Variants in EVC2 observed in about 807,000 individuals in gnomAD.
EVC2 encodes limbin.
A neutral mutation model predicts 149.3 loss-of-function variants in EVC2; 148 were observed. The ratio of observed to expected loss-of-function variants is 0.99; its 90% confidence interval spans 0.87 to 1.14. The LOEUF is 1.14. Among genes scored for constraint, EVC2 ranks in the 50% most tolerant of loss-of-function variants. The pLI, the probability that EVC2 is intolerant of heterozygous loss-of-function variation, is 0.00. For synonymous variants in EVC2, 776 were observed against 649.9 expected (o/e 1.19, Z -2.95); for missense variants, 1,854 against 1,627.3 (o/e 1.14, Z -2.40).
chr4:5,583,771 C>CT (rs1468107081), intron 17 of EVC2, among the ~76,000 whole-genome samples: 1 of 149,390 alleles, frequency 6.7e-6, no homozygotes, highest in African/African-American at 2.5e-5. Context: ...TTTTATTAGA[C>CT]TTTTTTCAAA....
chr4:5,695,225 G>A (rs1721395394), intron 2 of EVC2, among the ~76,000 whole-genome samples: 1 of 152,026 alleles, frequency 6.6e-6, no homozygotes, highest in Admixed American at 6.6e-5. Context: ...GTGTGCGCCT[G>A]TAGTCCCAGC....
chr4:5,676,511 C>T (rs1720005003), intron 7 of EVC2, among the ~76,000 whole-genome samples: 1 of 152,170 alleles, frequency 6.6e-6, no homozygotes, highest in African/African-American at 2.4e-5. Flanking sequence ...TCTGCAGGTC[C>T]CCGCCGCCAT....
chr4:5,691,516 AAAG>A (rs1404901369), intron 3 of EVC2, among the ~76,000 whole-genome samples, 183 bp from the exon 4 acceptor site: 1 of 152,234 alleles, frequency 6.6e-6, no homozygotes, highest in African/African-American at 2.4e-5. Flanking sequence ...AAACTTATGG[AAAG>A]AAGAATGTGG....
rs1712139422 is a variant in EVC2 at position 5,584,866 on chromosome 4, G to A, written c.2830-16C>T. 4.3e-6 allele frequency: 7 copies of A among 1,613,770 alleles called. No individual in the cohort carries two copies. The South Asian group carries it at 7.7e-5, about 18-fold the overall frequency. ...CACCTCGAACCTGGGAGGGGACAGG[G>A]ATGGACCCAAACCCAGAGAGCAGTG... is the stretch of plus-strand genomic sequence containing the variant. On this transcript the variant is annotated splice_polypyrimidine_tract_variant and intron_variant, in intron 16 of 21. Coordinates refer to ENST00000344408, the MANE Select transcript of EVC2 (RefSeq NM_147127.5).
chr4:5,574,829 GATC>G, intron 18 of EVC2, 57 bp from the exon 19 acceptor site: 1 of 1,500,430 alleles, frequency 6.7e-7, no homozygotes, highest in Non-Finnish European at 9.3e-7. Context: ...GATACTATGA[GATC>G]ATCTAGTTAT....
downstream of EVC2, among the ~76,000 whole-genome samples, chr4:5,542,586 G>T (rs1185013095): frequency 6.6e-6 from 1 of 152,200 alleles, no homozygotes; most frequent in Admixed American, 6.5e-5. Context: ...GGAGTAGACT[G>T]CCCAGGTTCT....
intron 21 of EVC2, among the ~76,000 whole-genome samples, chr4:5,547,652 C>G (rs1721647784): frequency 6.6e-6 from 1 of 152,222 alleles, no homozygotes; most frequent in African/African-American, 2.4e-5. Context: ...TGGGCCTCCT[C>G]TGAGCTACTG....
chr4:5,608,841 T>G (rs140937634), intron 16 of EVC2, among the ~76,000 whole-genome samples: 1 of 152,168 alleles, frequency 6.6e-6, no homozygotes, highest in African/African-American at 2.4e-5. Context: ...CTGGAAGAGA[T>G]GAGTATCTGA....
At chr4:5,603,628 G>A (rs146407227) in intron 16 of EVC2, among the ~76,000 whole-genome samples, 1 of 152,282 alleles carries the variant, frequency 6.6e-6, no homozygotes, top group African/African-American at 2.4e-5. Flanking sequence ...ACCGTCGCTG[G>A]CAATCAGGAG....
At chr4:5,541,874 C>T (rs1267617823), downstream of EVC2, among the ~76,000 whole-genome samples, 5 of 152,296 alleles carry the variant, frequency 3.3e-5, no homozygotes, top group South Asian at 4.1e-4. Flanking sequence ...CCTGCCCTCA[C>T]GGAGTTTATG....
At chr4:5,534,063 G>A in the EVC2 span, among the ~76,000 whole-genome samples, 8 of 152,208 alleles carry the variant, frequency 5.3e-5, no homozygotes, top group Non-Finnish European at 2.9e-5. Context: ...GAGCGATGAG[G>A]AGGCACTAGA....
intron 16 of EVC2, among the ~76,000 whole-genome samples, chr4:5,589,071 A>G (rs1327065234): frequency 6.6e-6 from 1 of 152,220 alleles, no homozygotes. Flanking sequence ...TTTTTAACTG[A>G]ACTACAGACA....
At position 5,622,459 on chromosome 4, in the gene EVC2, C is replaced by T; in HGVS notation, c.2501+78G>A. ...GGCCAGGTGTCTCATGCTTGGCCATCCCCACAACCACAGGGCAGGAATCTC... is the reference window on the plus strand; with the variant it reads ...GGCCAGGTGTCTCATGCTTGGCCATTCCCACAACCACAGGGCAGGAATCTC... On this transcript the variant is annotated intron_variant, in intron 14 of 21. Coordinates refer to ENST00000344408, the MANE Select transcript of EVC2 (RefSeq NM_147127.5). The surrounding 1 kb of genome is among the most constrained non-coding windows in gnomAD (Gnocchi z 5.8). 2.0e-6 allele frequency: 3 copies of T among 1,525,216 alleles called. No individual in the cohort carries two copies. Among genetic ancestry groups the T allele is most frequent in the Non-Finnish European group, 2.7e-6 (3 of 1,117,502 alleles). 94.5% of individuals were successfully genotyped at this position (1,525,216 alleles called of 1,614,324 possible). A position where few individuals can be genotyped will look rare whatever the true frequency, so the allele number is the denominator to read the frequency against.
intron 1 of EVC2, among the ~76,000 whole-genome samples, chr4:5,704,067 A>G (rs949204811): frequency 6.6e-6 from 1 of 152,094 alleles, no homozygotes; most frequent in Non-Finnish European, 1.5e-5. Flanking sequence ...CTCTGGGGAC[A>G]ATGGGAAGCC....
intron 9 of EVC2, among the ~76,000 whole-genome samples, chr4:5,644,070 T>C (rs993132608): frequency 7.9e-5 from 12 of 152,164 alleles, no homozygotes; most frequent in Admixed American, 6.5e-4. Context: ...TCTGGCCTTC[T>C]ATCTTTCCTT....
chr4:5,584,952 G>T, intron 16 of EVC2, 102 bp from the exon 17 acceptor site: 1 of 1,288,118 alleles, frequency 7.8e-7, no homozygotes, highest in Non-Finnish European at 1.1e-6. Context: ...GGGATTCTGA[G>T]GACCACCAAA....
chr4:5,640,615 C>T lies in EVC2; in HGVS notation c.1369G>A (p.Glu457Lys). 1 of 1,614,144 alleles carries T rather than the reference C, an allele frequency of 6.2e-7. No individual in the cohort carries two copies. Among genetic ancestry groups the T allele is most frequent in the Non-Finnish European group, 8.5e-7 (1 of 1,180,036 alleles). The change falls in exon 10 of 22, where the codon GAA becomes AAA. Residue 457 changes from glutamate (E) to lysine (K), a missense_variant. Coordinates refer to ENST00000344408, the MANE Select transcript of EVC2 (RefSeq NM_147127.5). The surrounding 1 kb of genome is among the most constrained non-coding windows in gnomAD (Gnocchi z 4.6). ...YDRKMVALTA[E>K]CDLETRKKME... ...TTCTTTCTTGTTTCCAGGTCACATT[C>T]AGCTGTCAATGCCACCATCTTCCGA...
At chr4:5,594,025 C>T (rs1392107615) in intron 16 of EVC2, among the ~76,000 whole-genome samples, 2 of 152,182 alleles carry the variant, frequency 1.3e-5, no homozygotes, top group African/African-American at 4.8e-5. Context: ...GGGAGGGGTG[C>T]CCGCCATTGC....
intron 21 of EVC2, among the ~76,000 whole-genome samples, chr4:5,547,071 G>A (rs1307544813): frequency 6.6e-6 from 1 of 152,254 alleles, no homozygotes. Flanking sequence ...TGGGGGTCCA[G>A]GAAGGCCCCC....
Sources: allele counts gnomAD v4.1 joint callset (sites outside exome capture counted in the v4.1 genomes callset), GRCh38; gene constraint gnomAD v4.1.1; non-coding constraint Gnocchi (gnomAD v3.1); transcripts MANE v1.5; gene names NCBI Gene and HGNC (gene_info 2026-07-23, HGNC 2026-07-21).